Variants in MNAT1 observed in about 807,000 individuals in gnomAD.
MNAT1 encodes CDK-activating kinase assembly factor MAT1.
Under a neutral mutation model 42.0 loss-of-function variants are expected in MNAT1, and 43 were observed. The observed-to-expected ratio is 1.02, with a 90% CI of 0.80 to 1.32. The LOEUF is 1.32. MNAT1 is among the 40% of genes most tolerant of loss of function. The pLI is 0.00. For missense variants in MNAT1, 306 were observed against 350.4 expected, an observed-to-expected ratio of 0.87 and a Z score of 1.01; for synonymous variants, 118 against 120.0, an observed-to-expected ratio of 0.98 and a Z score of 0.11.
chr14:60,789,555 T>A (rs781057290), intron 1 of MNAT1, among the ~76,000 whole-genome samples: 1 of 152,124 alleles, frequency 6.6e-6, no homozygotes, highest in Non-Finnish European at 1.5e-5. Context: ...TGCCTGTAAT[T>A]GTCAGTTCTC....
chr14:60,928,107 A>G (rs1459498114), intron 7 of MNAT1, among the ~76,000 whole-genome samples: 2 of 152,158 alleles, frequency 1.3e-5, no homozygotes, highest in Non-Finnish European at 2.9e-5. Context: ...TAGACATGTG[A>G]TACAAATGGA....
intron 6 of MNAT1, among the ~76,000 whole-genome samples, chr14:60,869,974 C>G (rs1270088799): frequency 6.6e-6 from 1 of 152,010 alleles, no homozygotes; most frequent in Non-Finnish European, 1.5e-5. Flanking sequence ...GATTAACAGA[C>G]AAATCTTAGT....
At chr14:60,752,869 G>C (rs7144534) in intron 1 of MNAT1, among the ~76,000 whole-genome samples, 1 of 152,126 alleles carries the variant, frequency 6.6e-6, no homozygotes, top group Non-Finnish European at 1.5e-5. Flanking sequence ...GGTTGGAGCA[G>C]TTCTCCTGCC....
intron 7 of MNAT1, among the ~76,000 whole-genome samples, chr14:60,949,601 TACTGAAAATA>T (rs1170259108): frequency 6.6e-5 from 10 of 152,148 alleles, no homozygotes; most frequent in Non-Finnish European, 1.0e-4. Context: ...CAAAACAGAA[TACTGAAAATA>T]ATGCTACAAT....
At chr14:60,757,940 A>G (rs748583516) in intron 1 of MNAT1, among the ~76,000 whole-genome samples, 3 of 152,206 alleles carry the variant, frequency 2.0e-5, no homozygotes, top group Non-Finnish European at 4.4e-5. Flanking sequence ...AAGATAGACA[A>G]ACAAAATGTT....
chr14:60,887,443 T>C (rs1405038280), intron 7 of MNAT1, among the ~76,000 whole-genome samples: 3 of 131,546 alleles, frequency 2.3e-5, no homozygotes, highest in African/African-American at 2.9e-5. Context: ...CCTGTGTCCA[T>C]GTGTTCTCAT....
At chr14:60,785,822 C>T (rs1272015946) in intron 1 of MNAT1, among the ~76,000 whole-genome samples, 1 of 152,130 alleles carries the variant, frequency 6.6e-6, no homozygotes, top group Non-Finnish European at 1.5e-5. Context: ...GGATAGCCAA[C>T]TGTTTAGCTT....
At chr14:60,883,900 T>C (rs527253001) in intron 7 of MNAT1, among the ~76,000 whole-genome samples, 1 of 152,276 alleles carries the variant, frequency 6.6e-6, no homozygotes, top group East Asian at 1.9e-4. Flanking sequence ...TGCTGCTGAT[T>C]TTTGTGTGCT....
chr14:60,753,283 A>G (rs373634508), intron 1 of MNAT1, among the ~76,000 whole-genome samples: 27 of 152,334 alleles, frequency 1.8e-4, no homozygotes, highest in South Asian at 1.2e-3. Context: ...ACAGTTGACC[A>G]TTAAACAACA....
At chr14:60,940,725 C>G (rs762871139) in intron 7 of MNAT1, among the ~76,000 whole-genome samples, 24 of 151,980 alleles carry the variant, frequency 1.6e-4, no homozygotes, top group Non-Finnish European at 3.1e-4. Flanking sequence ...CCGTCTGTCT[C>G]AAAGCTTTCT....
intron 1 of MNAT1, among the ~76,000 whole-genome samples, chr14:60,788,536 G>A (rs2031723115): frequency 6.6e-6 from 1 of 152,174 alleles, no homozygotes; most frequent in African/African-American, 2.4e-5. Context: ...TGTAGCTATG[G>A]AAGTCCTAGA....
At chr14:60,944,799 T>C (rs183333697) in intron 7 of MNAT1, among the ~76,000 whole-genome samples, 2 of 152,320 alleles carry the variant, frequency 1.3e-5, no homozygotes, top group East Asian at 3.9e-4. Flanking sequence ...CTCATAATTT[T>C]CTAGGAGAAA....
intron 2 of MNAT1, among the ~76,000 whole-genome samples, 158 bp from the exon 3 acceptor site, chr14:60,797,929 C>T (rs4151206): frequency 0.016 from 2,436 of 151,666 alleles, 43 homozygotes; most frequent in South Asian, 0.062. Flanking sequence ...GACTCCATCT[C>T]AAAAAATAAA....
In MNAT1 at chr14:60,764,562, G is replaced by A. The variant is rs184840025; in HGVS notation, c.89+29611G>A. Among the ~76,000 whole-genome samples, 26 of 152,270 alleles carry A rather than the reference G, an allele frequency of 1.7e-4. No homozygotes were observed. The East Asian group carries it at 4.4e-3, about 26-fold the overall frequency. ...ATTAGAGTTGAATTGAAGAAAGTAG[G>A]GAAGATTTGAGACAGATTTAGATGG... is the stretch of plus-strand genomic sequence containing the variant. On this transcript the variant is annotated intron_variant, in intron 1 of 7. Coordinates refer to ENST00000261245, the MANE Select transcript of MNAT1 (RefSeq NM_002431.4).
chr14:60,772,306 C>T (rs911956260), intron 1 of MNAT1, among the ~76,000 whole-genome samples: 5 of 152,114 alleles, frequency 3.3e-5, no homozygotes, highest in Non-Finnish European at 7.4e-5. Flanking sequence ...ATGAATTGGC[C>T]GGGTGCGGTG....
intron 1 of MNAT1, among the ~76,000 whole-genome samples, chr14:60,756,049 C>A (rs1377965505): frequency 6.6e-6 from 1 of 152,168 alleles, no homozygotes; most frequent in Non-Finnish European, 1.5e-5. Context: ...GCTTCTGAAA[C>A]GTAAATACTT....
At chr14:60,920,451 G>T (rs768304802) in intron 7 of MNAT1, among the ~76,000 whole-genome samples, 1 of 151,738 alleles carries the variant, frequency 6.6e-6, no homozygotes, top group Non-Finnish European at 1.5e-5. Context: ...GGACAGTCTC[G>T]CTCCGTCGCC....
At chr14:60,756,360 CAG>C (rs2030349604) in intron 1 of MNAT1, among the ~76,000 whole-genome samples, 1 of 152,132 alleles carries the variant, frequency 6.6e-6, no homozygotes, top group African/African-American at 2.4e-5. Flanking sequence ...AAGTTACTGT[CAG>C]ATAATGTTTT....
chr14:60,863,303 T>C (rs2034138073), intron 6 of MNAT1, among the ~76,000 whole-genome samples: 1 of 152,126 alleles, frequency 6.6e-6, no homozygotes, highest in African/African-American at 2.4e-5. Context: ...TCTAGAGCTG[T>C]ACTTCATGAC....
Sources: allele counts gnomAD v4.1 joint callset (sites outside exome capture counted in the v4.1 genomes callset), GRCh38; gene constraint gnomAD v4.1.1; transcripts MANE v1.5; gene names NCBI Gene and HGNC (gene_info 2026-07-23, HGNC 2026-07-21).